The following LRP8 variants were observed in gnomAD, a reference collection of about 807,000 sequenced individuals.
LRP8 encodes the protein low-density lipoprotein receptor-related protein 8.
In LRP8, 46 loss-of-function variants were observed where a neutral mutation model predicts 111.6. The ratio of observed to expected loss-of-function variants is 0.41; its 90% CI spans 0.33 to 0.53. The LOEUF (loss-of-function observed/expected upper bound fraction) is 0.53. Ranked by LOEUF, LRP8 falls within the 20% of genes least tolerant of loss-of-function variation. LRP8 has a pLI of 0.20. For missense variants in LRP8, 959 were observed against 1,297.4 expected (o/e 0.74, Z 4.01); for synonymous variants, 464 against 511.2 (o/e 0.91, Z 1.24).
At chr1:53,254,106 C>A (rs951249768) in intron 16 of LRP8, among the ~76,000 whole-genome samples, 1 of 151,968 alleles carries the variant, frequency 6.6e-6, no homozygotes, top group Non-Finnish European at 1.5e-5. Context: ...TACTCATAGC[C>A]AAGTAAGGGA....
At position 53,327,939 on chromosome 1, in the gene LRP8, G is replaced by GCCCCGCGCT; in HGVS notation, c.-36_-28dup. ...GCGGGCCCGGGGCTCCGGCCGCCGCGCCCCGCGCTCCCCGCGCCGCCGCCG... is the reference window on the plus strand; with the variant it reads ...GCGGGCCCGGGGCTCCGGCCGCCGCGCCCCGCGCTCCCCGCGCTCCCCGCGCCGCCGCCG... On this transcript the variant is annotated 5_prime_UTR_variant, in exon 1 of 19. Coordinates refer to ENST00000306052, the MANE Select transcript of LRP8 (RefSeq NM_004631.5). 2.6e-6 allele frequency: 3 copies of GCCCCGCGCT among 1,151,600 alleles called. No homozygotes were observed. The highest frequency in any genetic ancestry group is 4.8e-5 in the Admixed American group (1 of 20,628). 71.3% of individuals were successfully genotyped at this position (1,151,600 alleles called of 1,614,324 possible).
At chr1:53,276,142 A>C (rs1045842756) in intron 5 of LRP8, among the ~76,000 whole-genome samples, 1 of 151,010 alleles carries the variant, frequency 6.6e-6, no homozygotes, top group East Asian at 2.0e-4. Context: ...CTGTGCTGGG[A>C]GAGGTGGAGG....
rs539958733 is a variant in LRP8, at chr1:53,257,178, C to T, written c.2434+62G>A. 37 of 1,497,412 alleles carry T rather than the reference C, an allele frequency of 2.5e-5. No homozygotes were observed. The African/African-American group carries it at 3.5e-4, about 14-fold the overall frequency. 92.8% of individuals were successfully genotyped at this position (1,497,412 alleles called of 1,614,324 possible). On this transcript the variant is annotated intron_variant, in intron 15 of 18. Transcript: ENST00000306052. Reference sequence around the variant, plus strand: ...GTAGGTTCTGTCTTATCACATACCCCCTTCCTGGCTTCCCTAGGAGCCCTC... The same window carrying T: ...GTAGGTTCTGTCTTATCACATACCCTCTTCCTGGCTTCCCTAGGAGCCCTC...
Position 53,249,561 on chromosome 1 carries a change from CA to C in LRP8, c.2677-6del. 10 of 1,587,662 alleles carry C rather than the reference CA, an allele frequency of 6.3e-6. No individual in the cohort carries two copies. Among genetic ancestry groups the C allele is most frequent in the Non-Finnish European group, 8.6e-6 (10 of 1,167,068 alleles). On this transcript the variant is annotated splice_polypyrimidine_tract_variant and splice_region_variant and intron_variant, in intron 17 of 18. Coordinates refer to ENST00000306052, the MANE Select transcript of LRP8 (RefSeq NM_004631.5). The surrounding 1 kb of genome is among the most constrained non-coding windows in gnomAD (Gnocchi z 4.1). ...GCGATCAAAGCTGCTGATTGCCTGA[CA>C]GGGGGATGGCACTGTGGATGACCTC...
Position 53,280,672 on chromosome 1 carries a change from G to C in LRP8, c.411C>G (p.Thr137=), listed in dbSNP as rs2100432566. Residue 137 remains threonine, a synonymous_variant, in exon 4 of 19, where the codon ACC becomes ACG. Coordinates refer to ENST00000306052, the MANE Select transcript of LRP8 (RefSeq NM_004631.5). ...CPAEKLSCGP[T]SHKCVPASWR... is the part of the protein sequence containing the mutation. ...ACGAGGCAGGTACACACTTGTGGCT[G>C]GTGGGTCCACAGCTCAGCTTCTCTG... is the stretch of plus-strand genomic sequence containing the variant. 1.2e-6 allele frequency: 2 copies of C among 1,613,102 alleles called. No homozygotes were observed. Among genetic ancestry groups the C allele is most frequent in the East Asian group, 4.5e-5 (2 of 44,886 alleles).
chr1:53,255,712 G>T (rs1646061273), intron 15 of LRP8, among the ~76,000 whole-genome samples: 1 of 152,094 alleles, frequency 6.6e-6, no homozygotes, highest in South Asian at 2.1e-4. Flanking sequence ...AGACTTCTGT[G>T]TCAGACTTCT....
intron 9 of LRP8, among the ~76,000 whole-genome samples, chr1:53,265,998 C>A (rs1321402947): frequency 3.9e-5 from 6 of 152,174 alleles, no homozygotes; most frequent in Admixed American, 3.9e-4. Context: ...GAAGGCATGC[C>A]AGATCAGATG....
In LRP8 at chr1:53,246,649, A is replaced by C. The variant is rs1384908858; in HGVS notation, c.*369T>G. On this transcript the variant is annotated 3_prime_UTR_variant, in exon 19 of 19. Coordinates refer to ENST00000306052, the MANE Select transcript of LRP8 (RefSeq NM_004631.5). Reference sequence around the variant, plus strand: ...CCCCAAAACCTAAAAAAGCCCCCCCAGCAACCAAACATCTTCTGTAAATAT... The same window carrying C: ...CCCCAAAACCTAAAAAAGCCCCCCCCGCAACCAAACATCTTCTGTAAATAT... 1 of 170,902 alleles carries C rather than the reference A, an allele frequency of 5.9e-6. No homozygotes were observed. The highest frequency in any genetic ancestry group is 1.2e-5 in the Non-Finnish European group (1 of 80,392). The allele number at this position is 170,902 out of a possible 1,614,324, so 10.6% of individuals were successfully genotyped here. A position where few individuals can be genotyped will look rare whatever the true frequency, so the allele number is the denominator to read the frequency against.
chr1:53,272,916 C>G (rs1646804767), intron 6 of LRP8, among the ~76,000 whole-genome samples: 1 of 152,204 alleles, frequency 6.6e-6, no homozygotes. Flanking sequence ...AGCAACAACT[C>G]AACAATTCTA....
At chr1:53,264,897 G>A (rs1021474314) in intron 9 of LRP8, among the ~76,000 whole-genome samples, 1 of 152,176 alleles carries the variant, frequency 6.6e-6, no homozygotes, top group Non-Finnish European at 1.5e-5. Flanking sequence ...GCAAGCAGGT[G>A]TAGGCAGGAA....
intron 12 of LRP8, 26 bp from the exon 13 acceptor site, chr1:53,260,631 G>A: frequency 3.7e-6 from 6 of 1,609,702 alleles, no homozygotes; most frequent in Non-Finnish European, 5.1e-6. Context: ...GCAGAGGATG[G>A]GAGGCCTGGA....
At chr1:53,274,415 C>T (rs548169404) in intron 6 of LRP8, among the ~76,000 whole-genome samples, 4 of 152,340 alleles carry the variant, frequency 2.6e-5, no homozygotes, top group African/African-American at 9.6e-5. Flanking sequence ...CAGAAGGTCT[C>T]AGAGGTCTGA....
chr1:53,259,186 A>T (rs959600618), intron 13 of LRP8, among the ~76,000 whole-genome samples: 2 of 152,190 alleles, frequency 1.3e-5, no homozygotes, highest in African/African-American at 2.4e-5. Context: ...ATCATAGCTC[A>T]CTGCAGCCTC....
rs151217475 is a variant in LRP8, at chr1:53,271,034, C to A, written c.1246G>T (p.Ala416Ser). ...GCCCTTGGGGTGTTCATACCAGCAG[C>A]CTTGCAGTTCTTGGTCAGTAGGTCC... ...EMDLLTKNCK[A>S]AAGKSPSLIF... The change falls in exon 8 of 19, where the codon GCT becomes TCT. Residue 416 changes from alanine (A) to serine (S), a missense_variant. Physicochemically the swap from Ala to Ser is moderately conservative, Grantham distance 99. Transcript: ENST00000306052. 166 of 1,613,920 alleles carry A rather than the reference C, an allele frequency of 1.0e-4. 1 individual carries two copies. The highest frequency in any genetic ancestry group is 2.4e-4 in the South Asian group (22 of 91,070).
In LRP8 at chr1:53,249,404, G is replaced by A. The variant is rs764999429; in HGVS notation, c.2829C>T (p.Ser943=). Residue 943 remains serine (S), a synonymous_variant, in exon 18 of 19, where the codon TCC becomes TCT. Coordinates refer to ENST00000306052, the MANE Select transcript of LRP8 (RefSeq NM_004631.5). The surrounding 1 kb of genome is among the most constrained non-coding windows in gnomAD (Gnocchi z 4.1). ...QLHQLPKNPL[S]ELPVVKSKRV... The stretch of plus-strand genomic sequence containing the variant: ...CCTTGGATTTGACGACAGGCAGCTC[G>A]GAAAGAGGGTTCTTCGGGAGTTGGT... 14 of 1,614,092 alleles carry A rather than the reference G, an allele frequency of 8.7e-6. No homozygotes were observed. The highest frequency in any genetic ancestry group is 1.0e-5 in the Non-Finnish European group (12 of 1,180,032).
At chr1:53,287,645 A>G (rs1048500806) in intron 3 of LRP8, among the ~76,000 whole-genome samples, 8 of 152,164 alleles carry the variant, frequency 5.3e-5, no homozygotes, top group Non-Finnish European at 1.0e-4. Context: ...GAGACCTGCC[A>G]TGGATAAGCT....
At chr1:53,260,339 ATTG>A in intron 13 of LRP8, 122 bp downstream of exon 13, 1 of 812,064 alleles carries the variant, frequency 1.2e-6, no homozygotes, top group Non-Finnish European at 2.0e-6. Flanking sequence ...AACAAGAGGG[ATTG>A]TTGTTATTAT....
intron 16 of LRP8, among the ~76,000 whole-genome samples, chr1:53,254,851 G>A (rs899699607): frequency 2.2e-4 from 33 of 152,160 alleles, no homozygotes; most frequent in Admixed American, 1.9e-3. Context: ...TCATACAGTC[G>A]CACTTCACAT....
At chr1:53,274,569 A>G in intron 6 of LRP8, 1 of 403,828 alleles carries the variant, frequency 2.5e-6, no homozygotes, top group Admixed American at 2.6e-5. Context: ...ATAGGACGGC[A>G]CATGAATCCA....
Sources: gnomAD v4.1 joint callset for allele counts (sites outside exome capture counted in the v4.1 genomes callset) on GRCh38, gnomAD v4.1.1 for gene constraint, Gnocchi (gnomAD v3.1) non-coding constraint, MANE v1.5 for transcripts, NCBI Gene and HGNC (gene_info 2026-07-23, HGNC 2026-07-21) for gene names.